NMT1: variants seen among roughly 807,000 people sequenced by gnomAD.
NMT1 encodes N-myristoyltransferase 1, also known as glycylpeptide N-tetradecanoyltransferase 1.
NMT1 carries 12 observed loss-of-function variants against 63.4 expected under a neutral mutation model. That is an observed-to-expected ratio of 0.19 (90% CI 0.12 to 0.31). NMT1 has a LOEUF of 0.31. Ranked by LOEUF, NMT1 falls within the 10% of genes least tolerant of loss-of-function variation. The pLI is 1.00. For synonymous variants in NMT1, 228 were observed against 234.3 expected (o/e 0.97, Z 0.25); for missense variants, 432 against 634.6 (o/e 0.68, Z 3.43).
At chr17:45,101,201 C>CAAA (rs1567872101) in intron 8 of NMT1, among the ~76,000 whole-genome samples, 1 of 150,902 alleles carries the variant, frequency 6.6e-6, no homozygotes, top group Non-Finnish European at 1.5e-5. Flanking sequence ...ACAACAACAA[C>CAAA]AAAAAAAGGA....
intron 8 of NMT1, chr17:45,099,844 C>CA: frequency 3.8e-6 from 1 of 264,226 alleles, no homozygotes; most frequent in South Asian, 4.9e-5. Flanking sequence ...CCTTCATACA[C>CA]ACGGCAGCGC....
intron 1 of NMT1, among the ~76,000 whole-genome samples, chr17:45,080,172 T>C (rs1050768675): frequency 6.6e-6 from 1 of 151,806 alleles, no homozygotes. Flanking sequence ...TTTCCCTTTT[T>C]TTTTTGAGAC....
chr17:45,093,597 G>A (rs967129196), intron 3 of NMT1, 88 bp from the exon 4 acceptor site: 2 of 1,004,264 alleles, frequency 2.0e-6, no homozygotes, highest in South Asian at 1.5e-5. Flanking sequence ...AGGGACAGGA[G>A]GAATTTGCTC....
Position 45,105,062 on chromosome 17 carries a change from G to C in NMT1, c.1470+66G>C. On this transcript the variant is annotated intron_variant, in intron 11 of 11. Transcript: ENST00000258960. This position sits in a 1 kb window ranked among gnomAD's most constrained non-coding sequence, Gnocchi z 4.2. ...GGTGTCCATGTCTCCAGCAGAAACC[G>C]GGCCATGGGTTGAGGAGACAGCCGC... is the stretch of plus-strand genomic sequence containing the variant. 1 of 1,602,890 alleles carries C rather than the reference G, an allele frequency of 6.2e-7. No individual in the cohort carries two copies. The highest frequency in any genetic ancestry group is 1.7e-5 in the Admixed American group (1 of 59,528).
chr17:45,096,563 G>T (rs1320653415), intron 5 of NMT1, among the ~76,000 whole-genome samples: 1 of 152,226 alleles, frequency 6.6e-6, no homozygotes, highest in Non-Finnish European at 1.5e-5. Flanking sequence ...AAAGGAACGG[G>T]CATGAGACCT....
At chr17:45,099,820 A>G in intron 8 of NMT1, 1 of 330,830 alleles carries the variant, frequency 3.0e-6, no homozygotes, top group South Asian at 3.5e-5. Flanking sequence ...AGAATGATGA[A>G]TCCACTTAGT....
At position 45,103,979 on chromosome 17, in the gene NMT1, CTG is replaced by C. The variant is rs763066701; in HGVS notation, c.1332+104_1332+105del. 1.6e-5 allele frequency: 26 copies of C among 1,599,450 alleles called. No individual in the cohort carries two copies. The highest frequency in any genetic ancestry group is 1.6e-4 in the Middle Eastern group (1 of 6,084). On this transcript the variant is annotated intron_variant, in intron 10 of 11. Transcript: ENST00000258960. This position sits in a 1 kb window ranked among gnomAD's most constrained non-coding sequence, Gnocchi z 4.8. ...CGCAGCCTCCCATGGGCTGGAGGCTCTGAGCCCTCCTCATCTGTTCTGCTTAG... is the reference window on the plus strand; with the variant it reads ...CGCAGCCTCCCATGGGCTGGAGGCTCAGCCCTCCTCATCTGTTCTGCTTAG...
intron 2 of NMT1, among the ~76,000 whole-genome samples, chr17:45,086,236 GC>G (rs1414847256): frequency 4.7e-5 from 7 of 148,304 alleles, no homozygotes; most frequent in African/African-American, 1.7e-4. Flanking sequence ...TGATTCTCCT[GC>G]CTCAGCCTCC....
intron 3 of NMT1, among the ~76,000 whole-genome samples, chr17:45,089,479 T>G (rs1424717267): frequency 6.6e-6 from 1 of 151,816 alleles, no homozygotes; most frequent in Non-Finnish European, 1.5e-5. Context: ...GTAGTTGGGA[T>G]TACAGGTGCC....
Position 45,091,359 on chromosome 17 carries a change from C to T in NMT1, c.386-2326C>T, listed in dbSNP as rs79596339. ...ACCTGTGTCTGTTTCATTCGCCAGC[C>T]CCTGCCACAGAACTGGCACATTCTA... is the stretch of plus-strand genomic sequence containing the variant. On this transcript the variant is annotated intron_variant, in intron 3 of 11. Coordinates refer to ENST00000258960, the MANE Select transcript of NMT1 (RefSeq NM_021079.5). Among the ~76,000 whole-genome samples the T allele has an allele frequency of 7.2e-3, 1,099 of 152,228 alleles. 6 individuals are homozygous for T. Among genetic ancestry groups the T allele is most frequent in the Middle Eastern group, 0.02 (6 of 294 alleles).
At chr17:45,099,376 C>CT in intron 7 of NMT1, 29 bp from the exon 8 acceptor site, 1 of 1,509,712 alleles carries the variant, frequency 6.6e-7, no homozygotes, top group Admixed American at 1.7e-5. Context: ...GGCCAGAACC[C>CT]TGAGGACAGG....
rs202061902 is a variant in NMT1 at position 45,061,373 on chromosome 17, C to T, written c.44C>T (p.Pro15Leu). ...SETAVKPPAP[P>L]LPQMMEGNGN... ...ACAGCAGTGAAGCCGCCGGCACCTC[C>T]GCTGCCGCAGATGATGGAAGGGAAC... The change falls in exon 1 of 12, where the codon CCG (proline) becomes CTG (leucine). Residue 15 changes from proline to leucine, a missense_variant. Physicochemically the swap from Pro to Leu is moderately conservative, Grantham distance 98 (BLOSUM62 -3). This residue lies in a region of NMT1 where 121 missense variants were observed against 103.7 expected (regional missense o/e 1.17). Coordinates refer to ENST00000258960, the MANE Select transcript of NMT1 (RefSeq NM_021079.5). 1.2e-5 allele frequency: 20 copies of T among 1,614,040 alleles called. No homozygotes were observed. In the African/African-American group the frequency reaches 2.1e-4, roughly 17 times the overall value.
At chr17:45,066,125 C>G (rs1444648482) in intron 1 of NMT1, among the ~76,000 whole-genome samples, 1 of 152,134 alleles carries the variant, frequency 6.6e-6, no homozygotes, top group Non-Finnish European at 1.5e-5. Flanking sequence ...GCGATCTTGG[C>G]TCACTGCAAC....
At chr17:45,092,579 G>A (rs1010888733) in intron 3 of NMT1, among the ~76,000 whole-genome samples, 4 of 151,474 alleles carry the variant, frequency 2.6e-5, no homozygotes, top group African/African-American at 4.8e-5. Flanking sequence ...GCGTGGTGGC[G>A]GACACCTGTA....
Position 45,086,602 on chromosome 17 carries a change from C to T in NMT1, c.335C>T (p.Ala112Val), listed in dbSNP as rs1443418786. 2 of 1,613,468 alleles carry T rather than the reference C, an allele frequency of 1.2e-6. No homozygotes were observed. The highest frequency in any genetic ancestry group is 1.3e-5 in the African/African-American group (1 of 74,868). The change falls in exon 3 of 12, where the codon GCT becomes GTT. Residue 112 changes from alanine (A) to valine (V), a missense_variant. This residue lies in a region of NMT1 where 295 missense variants were observed against 489.7 expected (regional missense o/e 0.60). Transcript: ENST00000258960. ...GQGPAKTMEE[A>V]SKRSYQFWDT... ...GGACCTGCCAAAACCATGGAGGAGG[C>T]TAGCAAGCGAAGCTACCAGTTCTGG...
chr17:45,087,953 C>T lies in NMT1; in HGVS notation c.385+1301C>T, dbSNP rs536057978. On this transcript the variant is annotated intron_variant, in intron 3 of 11. Coordinates refer to ENST00000258960, the MANE Select transcript of NMT1 (RefSeq NM_021079.5). ...AATTGCTAGTAGAAATGCAGTTTGT[C>T]GGGCCCCACCCCAAAGCTGCAGAAT... Among the ~76,000 whole-genome samples the T allele has an allele frequency of 3.9e-5, 6 of 152,296 alleles. No individual in the cohort carries two copies. The South Asian group carries it at 1.0e-3, about 26-fold the overall frequency.
At chr17:45,090,831 G>T (rs149629929) in intron 3 of NMT1, among the ~76,000 whole-genome samples, 13 of 152,232 alleles carry the variant, frequency 8.5e-5, no homozygotes, top group African/African-American at 2.2e-4. Flanking sequence ...TTGGCCTTGA[G>T]AGAATCAGCT....
chr17:45,084,079 A>T (rs1380582327), intron 2 of NMT1, among the ~76,000 whole-genome samples: 1 of 152,214 alleles, frequency 6.6e-6, no homozygotes, highest in Non-Finnish European at 1.5e-5. Flanking sequence ...TTATTAATCT[A>T]AGTCTGACAT....
In NMT1 at chr17:45,105,109, G is replaced by C. The variant is rs368843856; in HGVS notation, c.1470+113G>C. ...CCGCAGTCTGGGTCCTTGTTACCTCGAGTTGAACCTTTGAAAATGCCCTCC... is the reference window on the plus strand; with the variant it reads ...CCGCAGTCTGGGTCCTTGTTACCTCCAGTTGAACCTTTGAAAATGCCCTCC... On this transcript the variant is annotated intron_variant, in intron 11 of 11. Transcript: ENST00000258960. This position sits in a 1 kb window ranked among gnomAD's most constrained non-coding sequence, Gnocchi z 4.2. The C allele has an allele frequency of 7.2e-7, 1 of 1,384,354 alleles. No homozygotes were observed. The highest frequency in any genetic ancestry group is 1.3e-5 in the South Asian group (1 of 77,442). The allele number at this position is 1,384,354 out of a possible 1,614,324, so 85.8% of individuals were successfully genotyped here. A position where few individuals can be genotyped will look rare whatever the true frequency, so the allele number is the denominator to read the frequency against.
Sources: allele counts gnomAD v4.1 joint callset (sites outside exome capture counted in the v4.1 genomes callset), GRCh38; gene constraint gnomAD v4.1.1; regional missense constraint gnomAD v4.1.1; non-coding constraint Gnocchi (gnomAD v3.1); transcripts MANE v1.5; gene names NCBI Gene and HGNC (gene_info 2026-07-23, HGNC 2026-07-21).